Variants in CFAP54 observed in about 807,000 individuals in gnomAD.
CFAP54 encodes cilia and flagella associated protein 54, also known as cilia- and flagella-associated protein 54.
A neutral mutation model predicts 370.4 loss-of-function variants in CFAP54; 290 were observed. The observed-to-expected ratio is 0.78, with a 90% CI of 0.71 to 0.86. CFAP54 has a LOEUF of 0.86. CFAP54 is among the 40% of genes least tolerant of loss of function. The pLI, the probability that CFAP54 is intolerant of heterozygous loss-of-function variation, is 0.00. For missense variants in CFAP54, 3,399 were observed against 3,528.7 expected (o/e 0.96, Z 0.93); for synonymous variants, 1,206 against 1,236.5 (o/e 0.98, Z 0.52).
At chr12:96,625,394 G>A (rs1332601021) in intron 28 of CFAP54, among the ~76,000 whole-genome samples, 2 of 152,148 alleles carry the variant, frequency 1.3e-5, no homozygotes, top group Admixed American at 6.5e-5. Flanking sequence ...TGGGGTAAAT[G>A]TAATTGGTAG....
intron 39 of CFAP54, among the ~76,000 whole-genome samples, chr12:96,678,509 C>A (rs1229143055): frequency 1.3e-5 from 2 of 152,180 alleles, no homozygotes; most frequent in East Asian, 3.9e-4. Context: ...GCCACGGCCT[C>A]CCAAAGTTCT....
intron 39 of CFAP54, among the ~76,000 whole-genome samples, chr12:96,670,840 G>A (rs1221259655): frequency 6.6e-6 from 1 of 152,212 alleles, no homozygotes; most frequent in East Asian, 1.9e-4. Context: ...CGCCAGCATA[G>A]GGCCTTGTTC....
At chr12:96,573,104 AT>A in intron 19 of CFAP54, 1 of 892,552 alleles carries the variant, frequency 1.1e-6, no homozygotes, top group Non-Finnish European at 1.3e-6. Context: ...CTGCTGGTAT[AT>A]TTTACAGGCT....
rs753042244 is a variant in CFAP54, at chr12:96,621,644, A to G, written c.3694A>G (p.Lys1232Glu). Residue 1232 changes from lysine (K) to glutamate (E), a missense_variant, in exon 27 of 68, where the codon AAA (lysine) becomes GAA (glutamate). This residue lies in a region of CFAP54 where 2,796 missense variants were observed against 2,869.7 expected (regional missense o/e 0.97). Transcript: ENST00000524981. Reference sequence around the variant, plus strand: ...GGCAGTAATGATTATAAATTATGGGAAAAAAATGTTGGACATCACACCAGG... The same window carrying G: ...GGCAGTAATGATTATAAATTATGGGGAAAAAATGTTGGACATCACACCAGG... Reference protein sequence around the residue: ...DLAVMIINYGKKMLDITPGCK... With the variant: ...DLAVMIINYGEKMLDITPGCK... 2 of 1,518,296 alleles carry G rather than the reference A, an allele frequency of 1.3e-6. No individual in the cohort carries two copies. The highest frequency in any genetic ancestry group is 2.0e-5 in the Admixed American group (1 of 50,708). 94.1% of individuals were successfully genotyped at this position (1,518,296 alleles called of 1,614,324 possible).
intron 65 of CFAP54, among the ~76,000 whole-genome samples, chr12:96,819,888 A>C (rs1959012657): frequency 6.6e-6 from 1 of 152,218 alleles, no homozygotes; most frequent in Non-Finnish European, 1.5e-5. Flanking sequence ...CCTGCTGCAT[A>C]GCCCTGCTTC....
At chr12:96,815,493 G>A (rs998785018) in intron 64 of CFAP54, among the ~76,000 whole-genome samples, 15 of 151,852 alleles carry the variant, frequency 9.9e-5, no homozygotes, top group Non-Finnish European at 1.3e-4. Context: ...ATTTTCTCCC[G>A]CTCTGTAGGT....
intron 26 of CFAP54, among the ~76,000 whole-genome samples, chr12:96,614,783 C>A (rs1392494536): frequency 6.6e-6 from 1 of 152,132 alleles, no homozygotes; most frequent in Non-Finnish European, 1.5e-5. Flanking sequence ...GAATAAAATA[C>A]CTAGAAATAC....
chr12:96,832,283 AT>A (rs138291717), intron 66 of CFAP54, among the ~76,000 whole-genome samples: 53,038 of 133,884 alleles, frequency 0.4, 9,780 homozygotes, highest in Middle Eastern at 0.42. Context: ...AAAAAAAAAA[AT>A]ATATATATAT....
chr12:96,720,543 C>A lies in CFAP54; in HGVS notation c.6943C>A (p.Gln2315Lys). Residue 2315 changes from glutamine to lysine, a missense_variant, in exon 50 of 68, where the codon CAG becomes AAG. By Grantham distance (53) the Gln-to-Lys change is moderately conservative. This residue lies in a region of CFAP54 where 2,796 missense variants were observed against 2,869.7 expected (regional missense o/e 0.97). Coordinates refer to ENST00000524981, the MANE Select transcript of CFAP54 (RefSeq NM_001306084.2). ...ARLQLAAVAL[Q>K]RHRAAYSAAI... ...GCTTCAGCTGGCTGCAGTTGCTCTG[C>A]AGAGGCACCGGGCGGCATACAGGTG... 6.4e-7 allele frequency: 1 copy of A among 1,567,906 alleles called. No homozygotes were observed. The highest frequency in any genetic ancestry group is 2.3e-5 in the East Asian group (1 of 42,656).
chr12:96,546,390 C>T (rs1282050043), intron 14 of CFAP54, among the ~76,000 whole-genome samples: 1 of 152,044 alleles, frequency 6.6e-6, no homozygotes, highest in Non-Finnish European at 1.5e-5. Flanking sequence ...TTCCCAAGAT[C>T]CTGGCCATGT....
chr12:96,682,785 A>C (rs1957286953), intron 40 of CFAP54, among the ~76,000 whole-genome samples: 1 of 152,226 alleles, frequency 6.6e-6, no homozygotes, highest in Admixed American at 6.5e-5. Flanking sequence ...GCAGTGACAG[A>C]ACAGCCTGGA....
chr12:96,633,349 A>G (rs1052107932), intron 32 of CFAP54, among the ~76,000 whole-genome samples: 2 of 152,234 alleles, frequency 1.3e-5, no homozygotes, highest in African/African-American at 4.8e-5. Context: ...GAGATCCCAT[A>G]TACCCTTCAT....
intron 22 of CFAP54, among the ~76,000 whole-genome samples, chr12:96,587,278 A>G (rs1956083135): frequency 6.6e-6 from 1 of 152,126 alleles, no homozygotes; most frequent in African/African-American, 2.4e-5. Context: ...GGTGGTATCA[A>G]TAAGAAATGA....
chr12:96,595,940 G>A (rs1461542762), intron 25 of CFAP54, among the ~76,000 whole-genome samples: 1 of 152,056 alleles, frequency 6.6e-6, no homozygotes, highest in Non-Finnish European at 1.5e-5. Flanking sequence ...TGTTTATCAA[G>A]GTCTTCAATG....
At chr12:96,511,552 A>G (rs2136357911) in intron 4 of CFAP54, among the ~76,000 whole-genome samples, 1 of 152,260 alleles carries the variant, frequency 6.6e-6, no homozygotes. Flanking sequence ...TCCTGACCTC[A>G]GGTGTTTTGC....
intron 61 of CFAP54, among the ~76,000 whole-genome samples, chr12:96,785,097 A>C (rs908872981): frequency 6.6e-6 from 1 of 152,158 alleles, no homozygotes. Context: ...TAGAAATTCT[A>C]TATATATTAT....
intron 5 of CFAP54, among the ~76,000 whole-genome samples, chr12:96,513,450 A>G (rs1180598453): frequency 3.9e-5 from 6 of 152,146 alleles, no homozygotes; most frequent in Non-Finnish European, 5.9e-5. Context: ...TACTAGTAAA[A>G]GTGGCCTGGG....
intron 25 of CFAP54, among the ~76,000 whole-genome samples, chr12:96,595,720 G>A (rs1956170844): frequency 6.6e-6 from 1 of 152,068 alleles, no homozygotes; most frequent in African/African-American, 2.4e-5. Flanking sequence ...AGCCTTCTGG[G>A]TCAGTTGTAA....
chr12:96,692,686 G>C (rs1375878976), intron 44 of CFAP54, among the ~76,000 whole-genome samples: 4 of 152,178 alleles, frequency 2.6e-5, no homozygotes, highest in Admixed American at 6.5e-5. Flanking sequence ...GCTGCCAGTT[G>C]ACTGACAATT....
Sources: allele counts gnomAD v4.1 joint callset (sites outside exome capture counted in the v4.1 genomes callset), GRCh38; gene constraint gnomAD v4.1.1; regional missense constraint gnomAD v4.1.1; transcripts MANE v1.5; gene names NCBI Gene and HGNC (gene_info 2026-07-23, HGNC 2026-07-21).